CEACAM6: variants seen among roughly 807,000 people sequenced by gnomAD.
The protein encoded by CEACAM6 is cell adhesion molecule CEACAM6.
A neutral mutation model predicts 32.4 loss-of-function variants in CEACAM6; 21 were observed. The ratio of observed to expected loss-of-function variants is 0.65; its 90% confidence interval spans 0.46 to 0.93. The LOEUF (loss-of-function observed/expected upper bound fraction) is 0.93. CEACAM6 is among the 40% of genes least tolerant of loss of function. CEACAM6 has a pLI of 0.00. For missense variants in CEACAM6, 406 were observed against 432.2 expected, an observed-to-expected ratio of 0.94 and a Z score of 0.54; for synonymous variants, 184 against 174.4, an observed-to-expected ratio of 1.06 and a Z score of -0.43.
chr19:41,756,499 A>G, intron 1 of CEACAM6, 101 bp from the exon 2 acceptor site: 1 of 1,339,036 alleles, frequency 7.5e-7, no homozygotes, highest in African/African-American at 1.4e-5. Context: ...CACACGCTCC[A>G]ACGTGGAGGG....
In CEACAM6 at chr19:41,761,381, C is replaced by A. The variant is rs782366279; in HGVS notation, c.557C>A (p.Pro186Gln). ...YLWWVNGQSL[P>Q]VSPRLQLSNG... Reference sequence around the variant, plus strand: ...TGGTGGGTAAATGGTCAGAGCCTCCCGGTCAGTCCCAGGCTGCAGCTGTCC... The same window carrying A: ...TGGTGGGTAAATGGTCAGAGCCTCCAGGTCAGTCCCAGGCTGCAGCTGTCC... The change falls in exon 3 of 6, where the codon CCG (proline) becomes CAG (glutamine). Residue 186 changes from proline to glutamine, a missense_variant. Physicochemically the swap from Pro to Gln is moderately conservative, Grantham distance 76. Transcript: ENST00000199764. The A allele has an allele frequency of 6.2e-7, 1 of 1,614,186 alleles. No homozygotes were observed. Among genetic ancestry groups the A allele is most frequent in the Non-Finnish European group, 8.5e-7 (1 of 1,180,028 alleles).
At chr19:41,760,394 T>C (rs1300649271) in intron 2 of CEACAM6, among the ~76,000 whole-genome samples, 1 of 152,256 alleles carries the variant, frequency 6.6e-6, no homozygotes, top group African/African-American at 2.4e-5. Context: ...TTTGCAGCAT[T>C]TCATGCTCCC....
intron 4 of CEACAM6, among the ~76,000 whole-genome samples, chr19:41,762,866 G>C (rs1428360619): frequency 6.6e-6 from 1 of 152,158 alleles, no homozygotes; most frequent in African/African-American, 2.4e-5. Flanking sequence ...CCTGGATCAG[G>C]CCGCAGGAAA....
intron 5 of CEACAM6, 41 bp downstream of exon 5, chr19:41,766,340 G>C: frequency 9.5e-7 from 1 of 1,056,558 alleles, no homozygotes; most frequent in Non-Finnish European, 1.4e-6. Context: ...CTGCAGGGCT[G>C]ACCACCATGC....
intron 2 of CEACAM6, 87 bp from the exon 3 acceptor site, chr19:41,761,162 G>A: frequency 1.3e-6 from 2 of 1,596,652 alleles, no homozygotes; most frequent in Non-Finnish European, 8.5e-7. Flanking sequence ...GGGCTGAGAG[G>A]TGAGAGATGC....
rs1185047820 is a variant in CEACAM6 at position 41,770,796 on chromosome 19, C to T, written c.*41-6C>T. The T allele has an allele frequency of 2.0e-5, 3 of 152,618 alleles. No individual in the cohort carries two copies. The highest frequency in any genetic ancestry group is 4.4e-5 in the Non-Finnish European group (3 of 68,306). 9.5% of individuals were successfully genotyped at this position (152,618 alleles called of 1,614,324 possible). The stretch of plus-strand genomic sequence containing the variant: ...ATTGTTTTTTATTTTCATTATCCAC[C>T]TATAGATTGGACCAGACCCTGAATT... On this transcript the variant is annotated splice_polypyrimidine_tract_variant and splice_region_variant and intron_variant, in intron 5 of 5. Coordinates refer to ENST00000199764, the MANE Select transcript of CEACAM6 (RefSeq NM_002483.7).
rs1555821875 is a variant in CEACAM6, at chr19:41,761,500, A to G, written c.676A>G (p.Ser226Gly). 4.3e-6 allele frequency: 7 copies of G among 1,614,106 alleles called. No homozygotes were observed. The Admixed American group carries it at 8.3e-5, about 19-fold the overall frequency. Residue 226 changes from serine to glycine, a missense_variant, in exon 3 of 6, where the codon AGT becomes GGT. Physicochemically the swap from Ser to Gly is moderately conservative, Grantham distance 56. Transcript: ENST00000199764. ...EIQNPASANR[S>G]DPVTLNVLYG... is the part of the protein sequence containing the mutation. Reference sequence around the variant, plus strand: ...ACAGAACCCAGCGAGTGCCAACCGCAGTGACCCAGTCACCCTGAATGTCCT... The same window carrying G: ...ACAGAACCCAGCGAGTGCCAACCGCGGTGACCCAGTCACCCTGAATGTCCT...
At chr19:41,755,730 T>A (rs782034621) in intron 1 of CEACAM6, 28 bp downstream of exon 1, 1 of 1,577,980 alleles carries the variant, frequency 6.3e-7, no homozygotes, top group Non-Finnish European at 8.6e-7. Context: ...TCGGAGTGGA[T>A]GGGAGGAGGG....
In CEACAM6 at chr19:41,771,657, C is replaced by A. The variant is rs1555822989; in HGVS notation, c.*896C>A. The A allele has an allele frequency of 6.6e-6, 1 of 152,160 alleles. No individual in the cohort carries two copies. The highest frequency in any genetic ancestry group is 2.4e-5 in the African/African-American group (1 of 41,448). 9.4% of individuals were successfully genotyped at this position (152,160 alleles called of 1,614,324 possible). On this transcript the variant is annotated 3_prime_UTR_variant, in exon 6 of 6. Coordinates refer to ENST00000199764, the MANE Select transcript of CEACAM6 (RefSeq NM_002483.7). ...GTCATACTCCCTGGTGTAGTGTATT[C>A]TCTAAAAGCTTTAAATGTCTGCATG...
chr19:41,757,589 C>A (rs1443004335), intron 2 of CEACAM6, among the ~76,000 whole-genome samples: 1 of 152,152 alleles, frequency 6.6e-6, no homozygotes, highest in Non-Finnish European at 1.5e-5. Flanking sequence ...GAAAAAATTA[C>A]TAGTGCATGA....
intron 5 of CEACAM6, among the ~76,000 whole-genome samples, chr19:41,769,069 C>G (rs917675802): frequency 2.0e-5 from 3 of 152,120 alleles, no homozygotes; most frequent in Non-Finnish European, 4.4e-5. Context: ...CCTCAGCCCC[C>G]TGCACAGCTG....
At chr19:41,765,765 C>G (rs1342854411) in intron 4 of CEACAM6, among the ~76,000 whole-genome samples, 2 of 152,174 alleles carry the variant, frequency 1.3e-5, no homozygotes, top group African/African-American at 2.4e-5. Flanking sequence ...AGTGAGTTCT[C>G]TGTGCAAAGA....
At chr19:41,767,863 C>T (rs1180466311) in intron 5 of CEACAM6, among the ~76,000 whole-genome samples, 1 of 151,930 alleles carries the variant, frequency 6.6e-6, no homozygotes, top group Non-Finnish European at 1.5e-5. Context: ...AAAGGAAAAG[C>T]CGCCTTATTT....
intron 4 of CEACAM6, among the ~76,000 whole-genome samples, chr19:41,763,327 G>A (rs910783750): frequency 5.3e-5 from 8 of 152,112 alleles, no homozygotes; most frequent in Admixed American, 2.6e-4. Flanking sequence ...CTGGTCTCCC[G>A]CTCAAACCCC....
In CEACAM6 at chr19:41,771,949, A is replaced by G. The variant is rs545260584; in HGVS notation, c.*1188A>G. The stretch of plus-strand genomic sequence containing the variant: ...AAAAAATTAAAACCAATTTAAAAAA[A>G]AAAAGAACACAGGAGATTCCAGTCT... On this transcript the variant is annotated 3_prime_UTR_variant, in exon 6 of 6. Coordinates refer to ENST00000199764, the MANE Select transcript of CEACAM6 (RefSeq NM_002483.7). The G allele has an allele frequency of 6.6e-6, 1 of 152,350 alleles. No individual in the cohort carries two copies. Among genetic ancestry groups the G allele is most frequent in the Admixed American group, 6.5e-5 (1 of 15,306 alleles). The allele number at this position is 152,350 out of a possible 1,614,324, so 9.4% of individuals were successfully genotyped here.
At chr19:41,760,764 C>G (rs1010871272) in intron 2 of CEACAM6, among the ~76,000 whole-genome samples, 1 of 152,196 alleles carries the variant, frequency 6.6e-6, no homozygotes, top group Non-Finnish European at 1.5e-5. Context: ...CCAGGCTGCA[C>G]AGTATCCTTG....
intron 2 of CEACAM6, among the ~76,000 whole-genome samples, chr19:41,759,725 T>G (rs1213867425): frequency 2.0e-5 from 3 of 152,230 alleles, no homozygotes; most frequent in Admixed American, 2.0e-4. Flanking sequence ...AGTAACGATC[T>G]CCACTTATGG....
chr19:41,761,103 A>C, intron 2 of CEACAM6, 146 bp from the exon 3 acceptor site: 1 of 1,457,564 alleles, frequency 6.9e-7, no homozygotes, highest in Non-Finnish European at 9.3e-7. Flanking sequence ...ATCATCGTGC[A>C]TCTGTTGTGT....
intron 1 of CEACAM6, among the ~76,000 whole-genome samples, chr19:41,756,239 A>G (rs1301626779): frequency 6.6e-6 from 1 of 152,182 alleles, no homozygotes; most frequent in African/African-American, 2.4e-5. Flanking sequence ...TGGAAGGAAC[A>G]GAGCAGGGAA....
Sources: allele counts gnomAD v4.1 joint callset (sites outside exome capture counted in the v4.1 genomes callset), GRCh38; gene constraint gnomAD v4.1.1; transcripts MANE v1.5; gene names NCBI Gene and HGNC (gene_info 2026-07-23, HGNC 2026-07-21).